Variants in LUZP2 observed in about 807,000 individuals in gnomAD.
LUZP2 encodes leucine zipper protein 2.
In LUZP2, 52 loss-of-function variants were observed where a neutral mutation model predicts 51.6. The ratio of observed to expected loss-of-function variants is 1.01; its 90% CI spans 0.81 to 1.27. The LOEUF (loss-of-function observed/expected upper bound fraction) is 1.27. Among genes scored for constraint, LUZP2 ranks in the 50% most tolerant of loss-of-function variants. The pLI, the probability that LUZP2 is intolerant of heterozygous loss-of-function variation, is 0.00. For missense variants in LUZP2, 436 were observed against 395.4 expected (o/e 1.10, Z -0.87); for synonymous variants, 154 against 137.3 (o/e 1.12, Z -0.85).
chr11:24,958,102 A>G (rs1590773248), intron 7 of LUZP2, among the ~76,000 whole-genome samples: 1 of 152,176 alleles, frequency 6.6e-6, no homozygotes, highest in African/African-American at 2.4e-5. Context: ...TTATGGCTGC[A>G]TAGTATTCCA....
At chr11:24,940,125 T>G (rs918737840) in intron 7 of LUZP2, among the ~76,000 whole-genome samples, 2 of 152,068 alleles carry the variant, frequency 1.3e-5, no homozygotes, top group African/African-American at 2.4e-5. Context: ...ATAGAAATAT[T>G]TTACCCAGAA....
intron 1 of LUZP2, among the ~76,000 whole-genome samples, chr11:24,505,413 A>G (rs369549861): frequency 6.6e-6 from 1 of 152,168 alleles, no homozygotes; most frequent in African/African-American, 2.4e-5. Context: ...TAGAAATGTC[A>G]ATGAACATCT....
chr11:24,996,594 T>TTTATTTTATA (rs1279635346), intron 9 of LUZP2, among the ~76,000 whole-genome samples: 4 of 135,854 alleles, frequency 2.9e-5, no homozygotes, highest in African/African-American at 1.1e-4. Context: ...TTTATTTTAT[T>TTTATTTTATA]TTATTTTATT....
chr11:24,742,744 G>A (rs1191081100), intron 4 of LUZP2, among the ~76,000 whole-genome samples: 1 of 151,882 alleles, frequency 6.6e-6, no homozygotes, highest in Non-Finnish European at 1.5e-5. Flanking sequence ...TTTGCTTTTG[G>A]GTTCTTTGTT....
intron 1 of LUZP2, among the ~76,000 whole-genome samples, chr11:24,727,417 A>G (rs1386499610): frequency 6.6e-6 from 1 of 152,002 alleles, no homozygotes. Flanking sequence ...ATAGGTACGG[A>G]TGTGTTATGC....
intron 7 of LUZP2, among the ~76,000 whole-genome samples, chr11:24,974,834 G>C (rs1855840855): frequency 6.6e-6 from 1 of 151,962 alleles, no homozygotes; most frequent in African/African-American, 2.4e-5. Flanking sequence ...TTGAGCAAGG[G>C]GCAAGTGGTA....
At chr11:25,078,047 T>C (rs1438556330) in intron 11 of LUZP2, among the ~76,000 whole-genome samples, 1 of 152,132 alleles carries the variant, frequency 6.6e-6, no homozygotes, top group African/African-American at 2.4e-5. Context: ...CACAGGCATA[T>C]ATTTCTTTTT....
intron 1 of LUZP2, among the ~76,000 whole-genome samples, chr11:24,628,191 GCACACACACACACCCATGCATACACA>G (rs1362337946): frequency 7.2e-6 from 1 of 138,074 alleles, no homozygotes; most frequent in African/African-American, 2.8e-5. Context: ...GCATACACAC[GCACACACACACACCCATGCATACACA>G]CACACACACA....
chr11:24,598,126 A>G (rs12366003), intron 1 of LUZP2, among the ~76,000 whole-genome samples: 26,095 of 151,686 alleles, frequency 0.17, 2,681 homozygotes, highest in Middle Eastern at 0.33. Context: ...AGAGAGAGAC[A>G]TTTATTAAGC....
rs193025976 is a variant in LUZP2 at position 24,950,920 on chromosome 11, T to G, written c.523-25671T>G. On this transcript the variant is annotated intron_variant, in intron 7 of 11. Transcript: ENST00000336930. ...ATTAATCAAGACATTGATAAGAAAG[T>G]TTTTTAGTTTTTTTTTGTGTTATAG... Among the ~76,000 whole-genome samples, 566 of 151,586 alleles carry G rather than the reference T, an allele frequency of 3.7e-3. 2 individuals carry two copies. Among genetic ancestry groups the G allele is most frequent in the African/African-American group, 0.013 (535 of 41,464 alleles).
intron 1 of LUZP2, among the ~76,000 whole-genome samples, chr11:24,700,851 T>A (rs1400505406): frequency 3.3e-5 from 5 of 151,972 alleles, no homozygotes; most frequent in African/African-American, 1.2e-4. Context: ...AATTAAAAGA[T>A]ATATATATGA....
intron 1 of LUZP2, among the ~76,000 whole-genome samples, chr11:24,514,995 C>T (rs78588989): frequency 0.02 from 3,003 of 152,192 alleles, 92 homozygotes; most frequent in African/African-American, 0.068. Context: ...GTGTGGTGAA[C>T]AATCGTTGTC....
chr11:25,016,997 T>A (rs1388202212), intron 9 of LUZP2, among the ~76,000 whole-genome samples: 7 of 152,066 alleles, frequency 4.6e-5, no homozygotes, highest in Non-Finnish European at 8.8e-5. Flanking sequence ...CTCATTGTGG[T>A]TTTAATTTGC....
intron 5 of LUZP2, among the ~76,000 whole-genome samples, chr11:24,887,006 G>C (rs1374290169): frequency 1.3e-5 from 2 of 152,094 alleles, no homozygotes; most frequent in Non-Finnish European, 2.9e-5. Flanking sequence ...ATGCCTATTT[G>C]CCTGATCTGT....
chr11:24,605,051 T>C (rs1432763254), intron 1 of LUZP2, among the ~76,000 whole-genome samples: 1 of 151,662 alleles, frequency 6.6e-6, no homozygotes, highest in Non-Finnish European at 1.5e-5. Flanking sequence ...ATAATAACAA[T>C]TATTAATCAT....
chr11:24,499,715 T>C (rs1182686519), intron 1 of LUZP2, among the ~76,000 whole-genome samples: 1 of 152,202 alleles, frequency 6.6e-6, no homozygotes, highest in African/African-American at 2.4e-5. Context: ...CTGTCTTTTA[T>C]TGTCAAACTC....
At chr11:24,906,208 A>G (rs1431739793) in intron 6 of LUZP2, among the ~76,000 whole-genome samples, 155 bp downstream of exon 6, 1 of 151,948 alleles carries the variant, frequency 6.6e-6, no homozygotes, top group Non-Finnish European at 1.5e-5. Context: ...ACCTTTTGGT[A>G]TCTTTGTGTT....
At chr11:24,868,141 A>G (rs1486715) in intron 5 of LUZP2, among the ~76,000 whole-genome samples, 148,295 of 152,204 alleles carry the variant, frequency 0.97, 72,282 homozygotes, top group Middle Eastern at 1. Flanking sequence ...AATATGGCTT[A>G]TTGATGTAAA....
chr11:24,629,608 AGATTG>A (rs374223850), intron 1 of LUZP2, among the ~76,000 whole-genome samples: 120 of 149,596 alleles, frequency 8.0e-4, no homozygotes, highest in African/African-American at 2.8e-3. Flanking sequence ...ATGAACACTT[AGATTG>A]ATTCCATATC....
Sources: allele counts gnomAD v4.1 joint callset (sites outside exome capture counted in the v4.1 genomes callset), GRCh38; gene constraint gnomAD v4.1.1; transcripts MANE v1.5; gene names NCBI Gene and HGNC (gene_info 2026-07-23, HGNC 2026-07-21).